Variants in PRKG1 observed in about 807,000 individuals in gnomAD.
PRKG1 encodes cGMP-dependent protein kinase 1.
Under a neutral mutation model 88.1 loss-of-function variants are expected in PRKG1, and 35 were observed. The observed-to-expected ratio is 0.40, with a 90% CI of 0.30 to 0.53. The LOEUF (loss-of-function observed/expected upper bound fraction) is 0.53, where lower values mean the gene tolerates loss of function less well. Ranked by LOEUF, PRKG1 falls within the 20% of genes least tolerant of loss-of-function variation. The pLI is 0.59. For missense variants in PRKG1, 540 were observed against 839.8 expected, an observed-to-expected ratio of 0.64 and a Z score of 4.41; for synonymous variants, 303 against 292.5, an observed-to-expected ratio of 1.04 and a Z score of -0.37.
intron 2 of PRKG1, among the ~76,000 whole-genome samples, chr10:51,329,821 G>A (rs1588845868): frequency 6.6e-6 from 1 of 151,724 alleles, no homozygotes; most frequent in African/African-American, 2.4e-5. Flanking sequence ...TCTTCTGCTA[G>A]CTGTATTATA....
At chr10:51,042,665 C>T (rs1269103127) in intron 1 of PRKG1, among the ~76,000 whole-genome samples, 1 of 152,164 alleles carries the variant, frequency 6.6e-6, no homozygotes, top group Non-Finnish European at 1.5e-5. Flanking sequence ...GAGCAAGATG[C>T]CAGCCTGCCT....
At chr10:51,720,522 G>A (rs1171408707) in intron 3 of PRKG1, among the ~76,000 whole-genome samples, 5 of 152,168 alleles carry the variant, frequency 3.3e-5, no homozygotes, top group Non-Finnish European at 7.3e-5. Context: ...CCTATGACGA[G>A]AGTGCTTTGC....
intron 2 of PRKG1, among the ~76,000 whole-genome samples, chr10:51,259,270 A>G (rs1213046948): frequency 1.3e-5 from 2 of 152,160 alleles, no homozygotes; most frequent in African/African-American, 2.4e-5. Flanking sequence ...TAGGCATGCC[A>G]TTTCTTGTGA....
At chr10:52,070,009 C>G (rs1294902024) in intron 7 of PRKG1, among the ~76,000 whole-genome samples, 1 of 151,802 alleles carries the variant, frequency 6.6e-6, no homozygotes, top group African/African-American at 2.4e-5. Flanking sequence ...AGCTCTATTC[C>G]TCTCTTGAAT....
chr10:51,332,001 C>G (rs560847377), intron 2 of PRKG1, among the ~76,000 whole-genome samples: 1 of 152,280 alleles, frequency 6.6e-6, no homozygotes, highest in Admixed American at 6.5e-5. Flanking sequence ...CTCATAAATA[C>G]AGTCATGCCC....
At chr10:51,532,897 C>T (rs1367827851) in intron 3 of PRKG1, among the ~76,000 whole-genome samples, 1 of 151,812 alleles carries the variant, frequency 6.6e-6, no homozygotes, top group East Asian at 1.9e-4. Context: ...CTCTTTTTTT[C>T]AAATTTGAGA....
At chr10:52,148,465 T>G (rs1271864008) in intron 8 of PRKG1, among the ~76,000 whole-genome samples, 1 of 151,796 alleles carries the variant, frequency 6.6e-6, no homozygotes, top group Admixed American at 6.6e-5. Context: ...AAAACAAAAC[T>G]GAACATATCT....
intron 3 of PRKG1, among the ~76,000 whole-genome samples, chr10:51,772,739 TG>T (rs1430789004): frequency 2.6e-5 from 4 of 152,044 alleles, no homozygotes; most frequent in Non-Finnish European, 4.4e-5. Flanking sequence ...ATTGTTTTAG[TG>T]GAAGCATCTC....
At chr10:51,464,326 A>G (rs1476989125) in intron 2 of PRKG1, among the ~76,000 whole-genome samples, 1 of 152,058 alleles carries the variant, frequency 6.6e-6, no homozygotes, top group African/African-American at 2.4e-5. Context: ...CATCTATCAT[A>G]TGACATCACA....
intron 3 of PRKG1, among the ~76,000 whole-genome samples, chr10:51,686,811 C>T (rs1455091937): frequency 6.6e-6 from 1 of 152,182 alleles, no homozygotes; most frequent in Non-Finnish European, 1.5e-5. Flanking sequence ...TCTTGGCTCA[C>T]TGCAACCTCT....
At chr10:52,287,157 G>C (rs1223607643) in intron 14 of PRKG1, among the ~76,000 whole-genome samples, 1 of 151,784 alleles carries the variant, frequency 6.6e-6, no homozygotes. Flanking sequence ...CCAAGATGTG[G>C]CTCCTCCTCA....
chr10:52,156,362 T>C lies in PRKG1; in HGVS notation c.1002-5527T>C, dbSNP rs144394753. ...TTACTTCTCACGTTCGTATTATAAGTCTTTGTGTCTTATCTGTAATATAAG... is the reference window on the plus strand; with the variant it reads ...TTACTTCTCACGTTCGTATTATAAGCCTTTGTGTCTTATCTGTAATATAAG... On this transcript the variant is annotated intron_variant, in intron 8 of 17. Transcript: ENST00000373980. Among the ~76,000 whole-genome samples, 1,280 of 152,078 alleles carry C rather than the reference T, an allele frequency of 8.4e-3. 12 individuals carry two copies. The highest frequency in any genetic ancestry group is 0.029 in the African/African-American group (1,195 of 41,562).
intron 5 of PRKG1, among the ~76,000 whole-genome samples, chr10:51,995,034 C>A (rs141790880): frequency 6.6e-6 from 1 of 151,952 alleles, no homozygotes; most frequent in African/African-American, 2.4e-5. Flanking sequence ...TGCTATTAAT[C>A]GGCACTTAAT....
At chr10:51,059,890 A>C (rs909654319) in intron 1 of PRKG1, among the ~76,000 whole-genome samples, 21 of 152,162 alleles carry the variant, frequency 1.4e-4, no homozygotes, top group Non-Finnish European at 2.8e-4. Context: ...GCCTAGGTCT[A>C]TCACTTATTC....
intron 7 of PRKG1, among the ~76,000 whole-genome samples, chr10:52,132,754 G>A (rs999761257): frequency 2.0e-5 from 3 of 151,946 alleles, no homozygotes; most frequent in Non-Finnish European, 2.9e-5. Flanking sequence ...AAATTTTCAA[G>A]TATAGCTTAT....
intron 5 of PRKG1, among the ~76,000 whole-genome samples, chr10:52,050,441 A>G (rs1406954325): frequency 6.6e-6 from 1 of 152,198 alleles, no homozygotes; most frequent in Non-Finnish European, 1.5e-5. Flanking sequence ...GAGCTGTAAA[A>G]TAACCTTCAA....
chr10:51,714,681 C>T (rs1564618407), intron 3 of PRKG1, among the ~76,000 whole-genome samples: 1 of 152,142 alleles, frequency 6.6e-6, no homozygotes, highest in Non-Finnish European at 1.5e-5. Context: ...ATGACACTTT[C>T]CTGTGGTCAC....
chr10:52,119,675 A>T (rs1449429863), intron 7 of PRKG1, among the ~76,000 whole-genome samples: 1 of 152,212 alleles, frequency 6.6e-6, no homozygotes, highest in African/African-American at 2.4e-5. Flanking sequence ...TACTCTCTAA[A>T]GTACTCATAA....
At chr10:51,060,687 T>C (rs960718820) in intron 1 of PRKG1, among the ~76,000 whole-genome samples, 104 of 152,194 alleles carry the variant, frequency 6.8e-4, no homozygotes, top group Non-Finnish European at 1.2e-3. Flanking sequence ...TTGTCCTTTC[T>C]ATGATACTTA....
Sources: gnomAD v4.1 joint callset for allele counts (sites outside exome capture counted in the v4.1 genomes callset) on GRCh38, gnomAD v4.1.1 for gene constraint, MANE v1.5 for transcripts, NCBI Gene and HGNC (gene_info 2026-07-23, HGNC 2026-07-21) for gene names.